The following B3GALT1 variants were observed in gnomAD, a reference collection of about 807,000 sequenced individuals.
B3GALT1 encodes the protein beta-1,3-galactosyltransferase 1, also known as UDP-Gal:betaGlcNAc beta 1,3-galactosyltransferase, polypeptide 1.
Under a neutral mutation model 23.2 loss-of-function variants are expected in B3GALT1, and 10 were observed. The observed-to-expected ratio is 0.43, with a 90% confidence interval of 0.27 to 0.73. The LOEUF (loss-of-function observed/expected upper bound fraction) is 0.73. Among genes scored for constraint, B3GALT1 ranks in the 30% least tolerant of loss-of-function variants. The pLI is 0.21. For missense variants in B3GALT1, 299 were observed against 405.4 expected (o/e 0.74, Z 2.25); for synonymous variants, 156 against 141.5 (o/e 1.10, Z -0.73).
chr2:167,860,867 CT>C (rs146576151), intron 4 of B3GALT1, among the ~76,000 whole-genome samples: 24,785 of 144,018 alleles, frequency 0.17, 2,083 homozygotes, highest in Middle Eastern at 0.25. Context: ...ACTGGCTTTT[CT>C]TTTTTTTTTT....
chr2:167,462,193 T>C (rs1699268462), intron 1 of B3GALT1, among the ~76,000 whole-genome samples: 1 of 152,192 alleles, frequency 6.6e-6, no homozygotes, highest in Non-Finnish European at 1.5e-5. Context: ...TGTTTATTAC[T>C]TTTATTTTAA....
intron 1 of B3GALT1, among the ~76,000 whole-genome samples, chr2:167,308,128 A>G (rs1696577942): frequency 1.3e-5 from 2 of 152,030 alleles, no homozygotes; most frequent in Admixed American, 6.6e-5. Flanking sequence ...ATATTATTGA[A>G]TACTTAATAA....
chr2:167,734,197 A>C (rs1429574278), intron 3 of B3GALT1, among the ~76,000 whole-genome samples: 1 of 152,206 alleles, frequency 6.6e-6, no homozygotes, highest in East Asian at 1.9e-4. Flanking sequence ...AGTCCAGGGA[A>C]TGTTCTGCAG....
intron 1 of B3GALT1, among the ~76,000 whole-genome samples, chr2:167,309,065 C>CT (rs893800933): frequency 5.3e-5 from 8 of 151,908 alleles, no homozygotes; most frequent in African/African-American, 1.9e-4. Context: ...CAAACGAGTT[C>CT]TTTTCTGTTT....
chr2:167,384,512 T>C (rs1352776402), intron 1 of B3GALT1, among the ~76,000 whole-genome samples: 2 of 152,170 alleles, frequency 1.3e-5, no homozygotes, highest in African/African-American at 4.8e-5. Context: ...ACATACTTCC[T>C]ATATTCCCTG....
chr2:167,722,370 A>G (rs1446292262), intron 3 of B3GALT1, among the ~76,000 whole-genome samples: 4 of 152,228 alleles, frequency 2.6e-5, no homozygotes, highest in South Asian at 2.1e-4. Flanking sequence ...AGCAAAGTCA[A>G]GAGGCTGCAA....
intron 3 of B3GALT1, among the ~76,000 whole-genome samples, chr2:167,662,589 C>G (rs912920719): frequency 2.0e-5 from 3 of 152,084 alleles, no homozygotes; most frequent in Admixed American, 2.0e-4. Flanking sequence ...CCACCTTGTC[C>G]CTTAAGGTCT....
In B3GALT1 at chr2:167,358,216, C is replaced by A. The variant is rs918525041; in HGVS notation, c.-511+64882C>A. On this transcript the variant is annotated intron_variant, in intron 1 of 4. Transcript: ENST00000392690. The stretch of plus-strand genomic sequence containing the variant: ...AGAGCCAAAGGTCAAGGCAGAAAAA[C>A]CAAGATAAGTCCAGAAACCCAAAGT... Among the ~76,000 whole-genome samples, 6 of 152,238 alleles carry A rather than the reference C, an allele frequency of 3.9e-5. No homozygotes were observed. The East Asian group carries it at 7.7e-4, about 20-fold the overall frequency.
intron 1 of B3GALT1, among the ~76,000 whole-genome samples, chr2:167,415,693 A>T (rs1252715483): frequency 1.3e-5 from 2 of 152,198 alleles, no homozygotes; most frequent in African/African-American, 2.4e-5. Flanking sequence ...CAGAATACTG[A>T]TAGAAATAGG....
intron 1 of B3GALT1, among the ~76,000 whole-genome samples, chr2:167,359,776 T>G (rs2105261913): frequency 6.6e-6 from 1 of 152,240 alleles, no homozygotes; most frequent in Non-Finnish European, 1.5e-5. Flanking sequence ...TCTTTTTTTT[T>G]TTTTCTAAAC....
intron 3 of B3GALT1, among the ~76,000 whole-genome samples, chr2:167,728,052 T>C (rs1687347801): frequency 6.6e-6 from 1 of 152,194 alleles, no homozygotes; most frequent in Non-Finnish European, 1.5e-5. Flanking sequence ...GTCTGCCATG[T>C]GACAAACACA....
At chr2:167,335,218 C>T (rs1190331433) in intron 1 of B3GALT1, among the ~76,000 whole-genome samples, 2 of 150,880 alleles carry the variant, frequency 1.3e-5, no homozygotes, top group Non-Finnish European at 2.9e-5. Context: ...GAGGGGGGAG[C>T]GGAATAAAAA....
At chr2:167,481,040 T>G (rs1235319069) in intron 1 of B3GALT1, among the ~76,000 whole-genome samples, 1 of 152,164 alleles carries the variant, frequency 6.6e-6, no homozygotes, top group Non-Finnish European at 1.5e-5. Context: ...TTTTGGAACT[T>G]TTTTTCTCTC....
chr2:167,394,777 A>G (rs1360868383), intron 1 of B3GALT1, among the ~76,000 whole-genome samples: 1 of 152,182 alleles, frequency 6.6e-6, no homozygotes, highest in Non-Finnish European at 1.5e-5. Flanking sequence ...TAGAACACAG[A>G]ATATTATTCT....
chr2:167,386,697 A>G (rs1271819131), intron 1 of B3GALT1, among the ~76,000 whole-genome samples: 3 of 152,324 alleles, frequency 2.0e-5, no homozygotes, highest in African/African-American at 7.2e-5. Context: ...AGTGTCTGAC[A>G]TGCAAATTCA....
intron 1 of B3GALT1, among the ~76,000 whole-genome samples, chr2:167,445,905 T>C (rs1360758394): frequency 6.6e-6 from 1 of 152,180 alleles, no homozygotes; most frequent in East Asian, 1.9e-4. Flanking sequence ...ATCCTGTCAT[T>C]ATGATGTTAG....
intron 2 of B3GALT1, among the ~76,000 whole-genome samples, chr2:167,576,529 T>G (rs1200651896): frequency 1.3e-5 from 2 of 149,052 alleles, no homozygotes; most frequent in East Asian, 2.0e-4. Context: ...TGTTTTTTTT[T>G]TTGTTTTTTT....
Position 167,407,406 on chromosome 2 carries a change from A to G in B3GALT1, c.-510-82771A>G, listed in dbSNP as rs552311426. Among the ~76,000 whole-genome samples the G allele has an allele frequency of 6.6e-5, 10 of 152,298 alleles. No individual in the cohort carries two copies. In the South Asian group the frequency reaches 2.1e-3, roughly 32 times the overall value. ...AAAAAAGTAAAAAGACTTTAAATAA[A>G]CAACCTAAGAATGCATCTCAAGGAA... On this transcript the variant is annotated intron_variant, in intron 1 of 4. Transcript: ENST00000392690.
chr2:167,508,269 T>G (rs2105352218), intron 2 of B3GALT1, among the ~76,000 whole-genome samples: 1 of 150,292 alleles, frequency 6.7e-6, no homozygotes, highest in Middle Eastern at 3.4e-3. Context: ...TTTTTTTTTT[T>G]TTTTTTCAGA....
Sources: gnomAD v4.1 joint callset for allele counts (sites outside exome capture counted in the v4.1 genomes callset) on GRCh38, gnomAD v4.1.1 for gene constraint, MANE v1.5 for transcripts, NCBI Gene and HGNC (gene_info 2026-07-23, HGNC 2026-07-21) for gene names.